GANC: variants seen among roughly 807,000 people sequenced by gnomAD.
The protein encoded by GANC is glucosidase alpha, neutral C, also known as neutral alpha-glucosidase C.
GANC carries 117 observed loss-of-function variants against 124.2 expected under a neutral mutation model. The observed-to-expected ratio is 0.94, with a 90% confidence interval of 0.81 to 1.10. The LOEUF is 1.10. Among genes scored for constraint, GANC ranks in the 50% least tolerant of loss-of-function variants. GANC has a pLI of 0.00. For synonymous variants in GANC, 377 were observed against 376.8 expected (o/e 1.00, Z -0.01); for missense variants, 1,140 against 1,095.0 (o/e 1.04, Z -0.58).
At chr15:42,282,011 A>G (rs1215529487) in intron 3 of GANC, among the ~76,000 whole-genome samples, 1 of 151,856 alleles carries the variant, frequency 6.6e-6, no homozygotes, top group Non-Finnish European at 1.5e-5. Flanking sequence ...ACATGGTGAA[A>G]CCCCATCTCT....
rs2052042715 is a variant in GANC, at chr15:42,310,721, C to T, written c.932C>T (p.Ala311Val). Residue 311 changes from alanine to valine, a missense_variant, in exon 10 of 24, where the codon GCT (alanine) becomes GTT (valine). Transcript: ENST00000318010. ...EYTLTQMGPV[A>V]AKQKVRSRTH... ...ACACTGACCCAGATGGGCCCAGTTGCTGCTAAACAAAAGGTCAGATCTCGC... is the reference window on the plus strand; with the variant it reads ...ACACTGACCCAGATGGGCCCAGTTGTTGCTAAACAAAAGGTCAGATCTCGC... The T allele has an allele frequency of 6.2e-7, 1 of 1,613,200 alleles. No homozygotes were observed. The highest frequency in any genetic ancestry group is 1.3e-5 in the African/African-American group (1 of 74,918).
chr15:42,309,803 GAGGTC>G (rs2052033664), intron 8 of GANC, among the ~76,000 whole-genome samples: 1 of 151,878 alleles, frequency 6.6e-6, no homozygotes, highest in Non-Finnish European at 1.5e-5. Flanking sequence ...TAGATCACTT[GAGGTC>G]AGGAGTTTGA....
In GANC at chr15:42,287,787, G is replaced by A; in HGVS notation, c.298G>A (p.Asp100Asn). 2 of 1,613,230 alleles carry A rather than the reference G, an allele frequency of 1.2e-6. No individual in the cohort carries two copies. The highest frequency in any genetic ancestry group is 2.2e-5 in the South Asian group (2 of 91,030). The change falls in exon 4 of 24, where the codon GAT becomes AAT. Residue 100 changes from aspartate (D) to asparagine (N), a missense_variant. Transcript: ENST00000318010. ...TPLKPRFEVP[D>N]VLTSKPSTVR... is the part of the protein sequence containing the mutation. ...TCTAAAACCCAGATTTGAAGTTCCG[G>A]ATGTCCTCACAAGCAAGCCAAGCAC...
chr15:42,273,388 G>A lies in GANC; in HGVS notation c.-1094G>A. ...GACAGGCAACACCTGAAGCCACGCA[G>A]CCGCCGCCATCTTCACAGCCGTGGA... On this transcript the variant is annotated 5_prime_UTR_variant, in exon 1 of 24. Coordinates refer to ENST00000318010, the MANE Select transcript of GANC (RefSeq NM_198141.3). The A allele has an allele frequency of 6.2e-7, 1 of 1,613,976 alleles. No individual in the cohort carries two copies. The highest frequency in any genetic ancestry group is 8.5e-7 in the Non-Finnish European group (1 of 1,179,990).
chr15:42,294,906 A>G (rs1241855178), intron 5 of GANC, among the ~76,000 whole-genome samples: 1 of 151,194 alleles, frequency 6.6e-6, no homozygotes, highest in Admixed American at 6.6e-5. Context: ...GTGCATATAT[A>G]CAAGTATATT....
chr15:42,295,936 G>T (rs2051887673), intron 5 of GANC, among the ~76,000 whole-genome samples: 1 of 152,088 alleles, frequency 6.6e-6, no homozygotes, highest in Non-Finnish European at 1.5e-5. Flanking sequence ...GAGGTCAGGA[G>T]TTTGAGACCA....
In GANC at chr15:42,333,530, A is replaced by G. The variant is rs144983879; in HGVS notation, c.1741+2858A>G. Among the ~76,000 whole-genome samples the G allele has an allele frequency of 1.3e-3, 205 of 152,278 alleles. 1 individual carries two copies. Among genetic ancestry groups the G allele is most frequent in the African/African-American group, 4.7e-3 (196 of 41,538 alleles). Reference sequence around the variant, plus strand: ...TAATCTCTCATCACAAACTCTTAGCAACTCTTCAGTAAATAAGAACAAGAA... The same window carrying G: ...TAATCTCTCATCACAAACTCTTAGCGACTCTTCAGTAAATAAGAACAAGAA... On this transcript the variant is annotated intron_variant, in intron 15 of 23. Transcript: ENST00000318010.
intron 15 of GANC, among the ~76,000 whole-genome samples, chr15:42,331,349 A>G (rs761120733): frequency 9.2e-5 from 14 of 152,198 alleles, no homozygotes; most frequent in East Asian, 1.9e-4. Context: ...AACACATTCC[A>G]TTAACCAACT....
At chr15:42,343,367 G>A (rs374823750) in intron 19 of GANC, 3 of 539,722 alleles carry the variant, frequency 5.6e-6, no homozygotes, top group African/African-American at 3.8e-5. Flanking sequence ...AGGATTCCAA[G>A]GAGGATCAGA....
intron 8 of GANC, 79 bp from the exon 9 acceptor site, chr15:42,310,204 G>C: frequency 9.2e-7 from 1 of 1,088,274 alleles, no homozygotes. Context: ...AGTGTTTAGA[G>C]AGAAGAGTAG....
At chr15:42,308,340 T>G in intron 8 of GANC, 22 bp downstream of exon 8, 4 of 1,454,844 alleles carry the variant, frequency 2.7e-6, no homozygotes, top group Non-Finnish European at 3.9e-6. Flanking sequence ...CAAGAATTCT[T>G]ATGGGAGTCT....
chr15:42,350,022 CTT>C (rs753077889), intron 22 of GANC, among the ~76,000 whole-genome samples: 5,031 of 74,190 alleles, frequency 0.068, 92 homozygotes, highest in Admixed American at 0.13. Flanking sequence ...CTTTCCCCCA[CTT>C]TTTTTTTTTT....
At chr15:42,349,224 G>A (rs1353430882) in intron 21 of GANC, among the ~76,000 whole-genome samples, 159 bp from the exon 22 acceptor site, 1 of 152,186 alleles carries the variant, frequency 6.6e-6, no homozygotes, top group Non-Finnish European at 1.5e-5. Context: ...CTACTCAGGA[G>A]TGATTGGCTA....
At chr15:42,284,829 C>T (rs1025519699) in intron 3 of GANC, among the ~76,000 whole-genome samples, 3 of 152,106 alleles carry the variant, frequency 2.0e-5, no homozygotes, top group African/African-American at 7.2e-5. Context: ...TCTAAGGGAG[C>T]AAAACACATG....
rs535072153 is a variant in GANC, at chr15:42,274,165, T to G, written c.-317T>G. Reference sequence around the variant, plus strand: ...CTTAACGCTCTTGATTTTTACCCTCTAGGACTCATTGCGTACACGCCCTCA... The same window carrying G: ...CTTAACGCTCTTGATTTTTACCCTCGAGGACTCATTGCGTACACGCCCTCA... On this transcript the variant is annotated 5_prime_UTR_variant, in exon 1 of 24. An upstream open reading frame in the 5' UTR loses its in-frame stop. Transcript: ENST00000318010. The G allele has an allele frequency of 8.2e-4, 307 of 373,714 alleles. No homozygotes were observed. Among genetic ancestry groups the G allele is most frequent in the Non-Finnish European group, 1.2e-3 (242 of 203,350 alleles). 23.1% of individuals were successfully genotyped at this position (373,714 alleles called of 1,614,324 possible).
At chr15:42,350,007 C>T (rs1351018391) in intron 22 of GANC, among the ~76,000 whole-genome samples, 1 of 147,474 alleles carries the variant, frequency 6.8e-6, no homozygotes, top group Non-Finnish European at 1.5e-5. Flanking sequence ...ATTGTCTTCA[C>T]CTTTCTTTCC....
chr15:42,342,213 G>C (rs1187305712), intron 18 of GANC, among the ~76,000 whole-genome samples: 1 of 152,162 alleles, frequency 6.6e-6, no homozygotes, highest in Non-Finnish European at 1.5e-5. Context: ...GAATAAAAGA[G>C]CAAAGTAGTA....
At chr15:42,344,374 C>T (rs78136988) in intron 19 of GANC, among the ~76,000 whole-genome samples, 2,542 of 152,224 alleles carry the variant, frequency 0.017, 73 homozygotes, top group African/African-American at 0.059. Flanking sequence ...ACTGCAGTCT[C>T]GCCTATCTTC....
chr15:42,339,157 T>G (rs1359321140), intron 16 of GANC, among the ~76,000 whole-genome samples: 1 of 152,112 alleles, frequency 6.6e-6, no homozygotes, highest in Admixed American at 6.5e-5. Context: ...AAGGAATATG[T>G]ATATACCACT....
Sources: gnomAD v4.1 joint callset for allele counts (sites outside exome capture counted in the v4.1 genomes callset) on GRCh38, gnomAD v4.1.1 for gene constraint, MANE v1.5 for transcripts, NCBI Gene and HGNC (gene_info 2026-07-23, HGNC 2026-07-21) for gene names.